The following PDE1A variants were observed in gnomAD, a reference collection of about 807,000 sequenced individuals.
The protein encoded by PDE1A is dual specificity calcium/calmodulin-dependent 3',5'-cyclic nucleotide phosphodiesterase 1A.
A neutral mutation model predicts 61.7 loss-of-function variants in PDE1A; 35 were observed. The ratio of observed to expected loss-of-function variants is 0.57; its 90% CI spans 0.43 to 0.75. PDE1A has a LOEUF of 0.75. Among genes scored for constraint, PDE1A ranks in the 30% least tolerant of loss-of-function variants. The pLI is 0.00. For missense variants in PDE1A, 597 were observed against 630.6 expected (o/e 0.95, Z 0.57); for synonymous variants, 232 against 213.2 (o/e 1.09, Z -0.77).
intron 1 of PDE1A, among the ~76,000 whole-genome samples, chr2:182,301,659 T>A (rs559409087): frequency 6.6e-6 from 1 of 152,330 alleles, no homozygotes; most frequent in African/African-American, 2.4e-5. Flanking sequence ...AAATAAATCA[T>A]AATCATAATG....
chr2:182,565,729 G>T, the PDE1A span, among the ~76,000 whole-genome samples: 1 of 152,096 alleles, frequency 6.6e-6, no homozygotes, highest in African/African-American at 2.4e-5. Flanking sequence ...TTAGAGTCAA[G>T]ATTTTTTCTA....
chr2:182,230,476 T>C (rs1365282943), intron 5 of PDE1A, among the ~76,000 whole-genome samples: 2 of 152,110 alleles, frequency 1.3e-5, no homozygotes, highest in Non-Finnish European at 2.9e-5. Flanking sequence ...GGAGTCTAGT[T>C]TTTCTATCTT....
At chr2:182,238,092 C>A (rs1021167588) in intron 3 of PDE1A, among the ~76,000 whole-genome samples, 5 of 151,664 alleles carry the variant, frequency 3.3e-5, no homozygotes, top group Non-Finnish European at 7.4e-5. Flanking sequence ...CACGCTGAAA[C>A]CCCGTCTCTA....
the PDE1A span, among the ~76,000 whole-genome samples, chr2:182,557,570 G>A: frequency 6.6e-6 from 1 of 152,008 alleles, no homozygotes; most frequent in Non-Finnish European, 1.5e-5. Flanking sequence ...AACTAAGCCA[G>A]GTATGGTGTC....
the PDE1A span, among the ~76,000 whole-genome samples, chr2:182,610,219 C>T: frequency 4.6e-5 from 7 of 152,210 alleles, no homozygotes; most frequent in African/African-American, 1.2e-4. Flanking sequence ...TATTTCTATA[C>T]AGCTCTTTAT....
At chr2:182,375,348 C>T (rs1031254695) in intron 1 of PDE1A, among the ~76,000 whole-genome samples, 1 of 152,158 alleles carries the variant, frequency 6.6e-6, no homozygotes, top group South Asian at 2.1e-4. Flanking sequence ...TTCCTAGATA[C>T]AATGGGGGTA....
intron 1 of PDE1A, among the ~76,000 whole-genome samples, chr2:182,321,349 TC>T (rs954952337): frequency 2.6e-5 from 4 of 152,152 alleles, no homozygotes; most frequent in African/African-American, 9.6e-5. Context: ...TTTTAATAGT[TC>T]ACAAGTTCTC....
intron 2 of PDE1A, among the ~76,000 whole-genome samples, chr2:182,439,804 C>T (rs1334484727): frequency 2.0e-5 from 3 of 152,036 alleles, no homozygotes; most frequent in South Asian, 2.1e-4. Flanking sequence ...AAGATATGGG[C>T]TAACTGTACA....
the PDE1A span, among the ~76,000 whole-genome samples, chr2:182,591,762 C>T: frequency 0.049 from 7,440 of 152,238 alleles, 219 homozygotes; most frequent in Middle Eastern, 0.085. Flanking sequence ...TAGTCAAGAA[C>T]CACTAGTCAA....
chr2:182,309,198 A>T (rs1464751888), intron 1 of PDE1A, among the ~76,000 whole-genome samples: 3 of 152,064 alleles, frequency 2.0e-5, no homozygotes, highest in Admixed American at 6.6e-5. Context: ...GACAAGACTT[A>T]TTAACTATCC....
intron 1 of PDE1A, among the ~76,000 whole-genome samples, chr2:182,346,048 T>C (rs1190273268): frequency 1.3e-5 from 2 of 152,208 alleles, no homozygotes. Context: ...TAAAGGAATA[T>C]ATTATCATCA....
At chr2:182,579,178 C>T in the PDE1A span, among the ~76,000 whole-genome samples, 2 of 152,190 alleles carry the variant, frequency 1.3e-5, no homozygotes, top group African/African-American at 4.8e-5. Context: ...AAACATGCTA[C>T]AATGGATTTA....
intron 1 of PDE1A, among the ~76,000 whole-genome samples, chr2:182,340,196 G>T (rs558934435): frequency 6.2e-4 from 94 of 152,276 alleles, no homozygotes; most frequent in African/African-American, 2.0e-3. Flanking sequence ...AAGGTCATTT[G>T]TAATATATGC....
At chr2:182,364,519 C>CTAGGAATCT (rs949293154) in intron 1 of PDE1A, among the ~76,000 whole-genome samples, 1 of 111,288 alleles carries the variant, frequency 9.0e-6, no homozygotes, top group African/African-American at 3.4e-5. Flanking sequence ...GAATTATTTG[C>CTAGGAATCT]TAGGAATCTT....
intron 1 of PDE1A, among the ~76,000 whole-genome samples, chr2:182,345,547 C>A (rs372538050): frequency 6.6e-6 from 1 of 152,150 alleles, no homozygotes; most frequent in Admixed American, 6.6e-5. Flanking sequence ...CTCTACACAG[C>A]CTTATCCCAG....
the PDE1A span, among the ~76,000 whole-genome samples, chr2:182,563,423 G>A: frequency 2.0e-5 from 3 of 152,172 alleles, no homozygotes; most frequent in Admixed American, 6.5e-5. Context: ...CTGAGAGATA[G>A]TTTGTTATCA....
At chr2:182,335,699 T>A (rs1194744342) in intron 1 of PDE1A, among the ~76,000 whole-genome samples, 1 of 152,176 alleles carries the variant, frequency 6.6e-6, no homozygotes, top group Non-Finnish European at 1.5e-5. Flanking sequence ...ATTGAGGACA[T>A]AGGCATGGGC....
At chr2:182,570,785 A>G in the PDE1A span, among the ~76,000 whole-genome samples, 3 of 152,188 alleles carry the variant, frequency 2.0e-5, no homozygotes, top group Admixed American at 1.3e-4. Flanking sequence ...TGGGCCAGAT[A>G]GTGGAGAGCT....
At chr2:182,197,335 T>C (rs1181458373) in intron 10 of PDE1A, among the ~76,000 whole-genome samples, 1 of 150,516 alleles carries the variant, frequency 6.6e-6, no homozygotes, top group African/African-American at 2.5e-5. Flanking sequence ...AGTACAAATA[T>C]TTTCTCTCAG....
Sources: gnomAD v4.1 joint callset for allele counts (sites outside exome capture counted in the v4.1 genomes callset) on GRCh38, gnomAD v4.1.1 for gene constraint, MANE v1.5 for transcripts, NCBI Gene and HGNC (gene_info 2026-07-23, HGNC 2026-07-21) for gene names.